MICAL2: variants seen among roughly 807,000 people sequenced by gnomAD.
The protein encoded by MICAL2 is microtubule associated monooxygenase, calponin and LIM domain containing 2, also known as [F-actin]-monooxygenase MICAL2.
In MICAL2, 77 loss-of-function variants were observed where a neutral mutation model predicts 127.3. That is an observed-to-expected ratio of 0.60 (90% CI 0.50 to 0.73). MICAL2 has a LOEUF of 0.73. MICAL2 is among the 30% of genes least tolerant of loss of function. The probability of loss-of-function intolerance (pLI) is 0.00; values close to 1 mark genes in which losing one functional copy is unlikely to be tolerated. For missense variants in MICAL2, 1,351 were observed against 1,434.4 expected (o/e 0.94, Z 0.94); for synonymous variants, 570 against 551.1 (o/e 1.03, Z -0.48).
At chr11:12,253,657 C>T (rs1255681776) in intron 22 of MICAL2, 1 of 152,136 alleles carries the variant, frequency 6.6e-6, no homozygotes, top group East Asian at 1.9e-4. Context: ...TAGTTAAACC[C>T]GAGGAGGGAA....
rs572777587 is a variant in MICAL2, at chr11:12,153,532, G to C, written c.-77-8547G>C. Among the ~76,000 whole-genome samples the C allele has an allele frequency of 1.6e-4, 24 of 152,182 alleles. 1 individual carries two copies. In the East Asian group the frequency reaches 4.7e-3, roughly 30 times the overall value. ...GGCTGACTGCAACCTCCACCTCCCA[G>C]GTTCAAGCGATTCTCTTGCCTCAGC... is the stretch of plus-strand genomic sequence containing the variant. On this transcript the variant is annotated intron_variant, in intron 2 of 27. Coordinates refer to ENST00000683283, the MANE Select transcript of MICAL2 (RefSeq NM_001282663.2).
chr11:12,288,130 C>T (rs1311226798), downstream of MICAL2, among the ~76,000 whole-genome samples: 1 of 152,210 alleles, frequency 6.6e-6, no homozygotes. Context: ...GAGCAGGACC[C>T]AGGGCTGCAC....
chr11:12,302,014 G>A (rs949314920), intron 29 of MICAL2, among the ~76,000 whole-genome samples: 7 of 152,194 alleles, frequency 4.6e-5, no homozygotes, highest in Non-Finnish European at 8.8e-5. Context: ...GCTAAAACAA[G>A]CAGTCCATTA....
At chr11:12,231,450 C>T (rs73418138) in intron 15 of MICAL2, among the ~76,000 whole-genome samples, 73 of 152,304 alleles carry the variant, frequency 4.8e-4, no homozygotes, top group African/African-American at 1.8e-3. Flanking sequence ...CCTCCCCAAC[C>T]CTCCTCTTCC....
At chr11:12,187,736 T>C (rs1858497137) in intron 3 of MICAL2, among the ~76,000 whole-genome samples, 2 of 152,148 alleles carry the variant, frequency 1.3e-5, no homozygotes, top group African/African-American at 2.4e-5. Context: ...TTCTCGGCTA[T>C]CTTGCTGGTG....
intron 3 of MICAL2, among the ~76,000 whole-genome samples, chr11:12,184,678 T>C (rs1189428327): frequency 2.6e-5 from 4 of 152,206 alleles, no homozygotes; most frequent in Non-Finnish European, 5.9e-5. Flanking sequence ...AGGAGAATCA[T>C]TGTTTCAGTC....
intron 1 of MICAL2, among the ~76,000 whole-genome samples, chr11:12,136,991 T>G (rs1427842255): frequency 6.6e-6 from 1 of 152,198 alleles, no homozygotes; most frequent in Non-Finnish European, 1.5e-5. Context: ...ATGATGGAAT[T>G]CTGTACCAGG....
chr11:12,313,481 A>G (rs552057953), intron 29 of MICAL2, among the ~76,000 whole-genome samples: 82 of 152,296 alleles, frequency 5.4e-4, no homozygotes, highest in African/African-American at 1.9e-3. Context: ...TGTTATCCAA[A>G]GACATACTGT....
At chr11:12,239,606 A>G in intron 17 of MICAL2, 21 bp downstream of exon 17, 3 of 1,606,266 alleles carry the variant, frequency 1.9e-6, no homozygotes, top group Non-Finnish European at 2.6e-6. Context: ...TCAAATACTC[A>G]CTGGACCTAA....
At chr11:12,304,647 C>CACAT (rs1864087335) in intron 29 of MICAL2, among the ~76,000 whole-genome samples, 3 of 120,700 alleles carry the variant, frequency 2.5e-5, no homozygotes, top group African/African-American at 9.0e-5. Flanking sequence ...AACACACACA[C>CACAT]ACACACACAC....
intron 22 of MICAL2, chr11:12,255,380 T>G: frequency 2.2e-6 from 1 of 454,452 alleles, no homozygotes; most frequent in Admixed American, 3.4e-5. Flanking sequence ...TCTCTACGAT[T>G]TTGACTACTC....
chr11:12,183,123 G>C (rs1363007352), intron 3 of MICAL2, among the ~76,000 whole-genome samples: 1 of 151,836 alleles, frequency 6.6e-6, no homozygotes, highest in African/African-American at 2.4e-5. Context: ...TATGTGGGGT[G>C]GGGGAGATGG....
At chr11:12,323,388 C>T (rs1864321526) in intron 30 of MICAL2, among the ~76,000 whole-genome samples, 1 of 152,128 alleles carries the variant, frequency 6.6e-6, no homozygotes, top group African/African-American at 2.4e-5. Flanking sequence ...CCACTGTAGA[C>T]TCAACCTAAG....
At chr11:12,144,400 G>A (rs1160253942) in intron 2 of MICAL2, among the ~76,000 whole-genome samples, 2 of 152,144 alleles carry the variant, frequency 1.3e-5, no homozygotes, top group African/African-American at 4.8e-5. Context: ...CTCCTCTGGG[G>A]CTTCTGGATG....
At chr11:12,209,426 C>G in intron 5 of MICAL2, 71 bp from the exon 6 acceptor site, 3 of 1,241,050 alleles carry the variant, frequency 2.4e-6, no homozygotes, top group Non-Finnish European at 3.6e-6. Flanking sequence ...CTCATAGCCA[C>G]CACACGGGGG....
chr11:12,351,421 A>C (rs1170305653), intron 33 of MICAL2, among the ~76,000 whole-genome samples: 1 of 152,182 alleles, frequency 6.6e-6, no homozygotes, highest in Non-Finnish European at 1.5e-5. Flanking sequence ...CAGTGAGCAG[A>C]GGCCAAGGAT....
intron 10 of MICAL2, 97 bp from the exon 11 acceptor site, chr11:12,222,520 G>A (rs752330269): frequency 6.7e-6 from 10 of 1,493,054 alleles, no homozygotes; most frequent in Admixed American, 3.6e-5. Context: ...TGTCCAGGAA[G>A]CCCTTGAGCC....
At chr11:12,194,785 G>A (rs1859671777) in intron 3 of MICAL2, among the ~76,000 whole-genome samples, 2 of 152,134 alleles carry the variant, frequency 1.3e-5, no homozygotes, top group Non-Finnish European at 2.9e-5. Context: ...CAGAGCCCAA[G>A]GGACAAGAAT....
intron 10 of MICAL2, among the ~76,000 whole-genome samples, chr11:12,222,060 C>T (rs1856879500): frequency 6.6e-6 from 1 of 152,140 alleles, no homozygotes; most frequent in Non-Finnish European, 1.5e-5. Context: ...CACCGAAGAG[C>T]CAGAGAGGTT....
Sources: allele counts gnomAD v4.1 joint callset (sites outside exome capture counted in the v4.1 genomes callset), GRCh38; gene constraint gnomAD v4.1.1; transcripts MANE v1.5; gene names NCBI Gene and HGNC (gene_info 2026-07-23, HGNC 2026-07-21).